The following STAB2 variants were observed in gnomAD, a reference collection of about 807,000 sequenced individuals.
STAB2 encodes the protein stabilin-2.
STAB2 carries 288 observed loss-of-function variants against 338.1 expected under a neutral mutation model. The observed-to-expected ratio is 0.85, with a 90% CI of 0.77 to 0.94. The LOEUF (loss-of-function observed/expected upper bound fraction) is 0.94, where lower values mean the gene tolerates loss of function less well. STAB2 is among the 40% of genes least tolerant of loss of function. STAB2 has a pLI of 0.00. For synonymous variants in STAB2, 1,202 were observed against 1,193.3 expected (o/e 1.01, Z -0.15); for missense variants, 3,141 against 3,210.1 (o/e 0.98, Z 0.52).
intron 52 of STAB2, 25 bp from the exon 53 acceptor site, chr12:103,737,609 T>TC: frequency 2.1e-5 from 15 of 703,520 alleles, no homozygotes; most frequent in East Asian, 7.7e-5. Flanking sequence ...TCTTTCTCTT[T>TC]TTTTTTTTTT....
rs1268667125 is a variant in STAB2 at position 103,762,377 on chromosome 12, G to T, written c.7463G>T (p.Arg2488Ile). The change falls in exon 67 of 69, where the codon AGA (arginine) becomes ATA (isoleucine). Residue 2488 changes from arginine to isoleucine, a missense_variant. By Grantham distance (97) the Arg-to-Ile change is moderately conservative. Coordinates refer to ENST00000388887, the MANE Select transcript of STAB2 (RefSeq NM_017564.10). ...AAYSYFRINR[R>I]TIGFQHFESE... is the part of the protein sequence containing the mutation. ...TACTCCTACTTTCGGATAAACCGGA[G>T]AACAATCGGCTTCCAGCATTTTGAG... 1 of 1,614,226 alleles carries T rather than the reference G, an allele frequency of 6.2e-7. No individual in the cohort carries two copies. Among genetic ancestry groups the T allele is most frequent in the East Asian group, 2.2e-5 (1 of 44,880 alleles).
chr12:103,760,597 C>T (rs12229599), intron 65 of STAB2, among the ~76,000 whole-genome samples: 14,666 of 152,020 alleles, frequency 0.096, 977 homozygotes, highest in East Asian at 0.27. Context: ...TGTCCTAAGC[C>T]CCTTCAGTGT....
At chr12:103,607,517 C>T (rs1370811656) in intron 3 of STAB2, among the ~76,000 whole-genome samples, 2 of 151,946 alleles carry the variant, frequency 1.3e-5, no homozygotes, top group African/African-American at 4.8e-5. Context: ...GGTATATCTC[C>T]TAATGCTATC....
At chr12:103,759,322 A>C (rs750055271) in intron 65 of STAB2, 49 bp downstream of exon 65, 4 of 1,602,276 alleles carry the variant, frequency 2.5e-6, no homozygotes, top group African/African-American at 2.7e-5. Flanking sequence ...AATGCATGCA[A>C]AGTTCCTGGC....
At chr12:103,747,156 C>A (rs1415328935) in intron 58 of STAB2, among the ~76,000 whole-genome samples, 1 of 151,678 alleles carries the variant, frequency 6.6e-6, no homozygotes, top group Non-Finnish European at 1.5e-5. Flanking sequence ...TACAAGTAAT[C>A]CAGCCTTCAA....
At position 103,690,031 on chromosome 12, in the gene STAB2, T is replaced by A. The variant is rs767099326; in HGVS notation, c.3182+49T>A. The A allele has an allele frequency of 3.8e-6, 6 of 1,581,816 alleles. No homozygotes were observed. The Admixed American group carries it at 1.1e-4, about 29-fold the overall frequency. On this transcript the variant is annotated intron_variant, in intron 29 of 68. Transcript: ENST00000388887. The stretch of plus-strand genomic sequence containing the variant: ...ACATCGTATCTGAATGGCATCTGTG[T>A]AAACATGTCTTTGAAGTTCAATGTA...
At chr12:103,642,544 G>A (rs966570180) in intron 9 of STAB2, among the ~76,000 whole-genome samples, 1 of 152,238 alleles carries the variant, frequency 6.6e-6, no homozygotes, top group African/African-American at 2.4e-5. Flanking sequence ...ACATGGTACA[G>A]TGGCAAGAGA....
chr12:103,676,365 T>C (rs886483805), intron 24 of STAB2, among the ~76,000 whole-genome samples: 5 of 152,118 alleles, frequency 3.3e-5, no homozygotes, highest in African/African-American at 7.2e-5. Context: ...CCCTGCCTGG[T>C]TTCTTGTTGG....
Position 103,743,029 on chromosome 12 carries a change from T to TTTC in STAB2, c.6031+477_6031+478insCTT, listed in dbSNP as rs1555252132. Reference sequence around the variant, plus strand: ...GAGCCAGCAATTTTTTTTTCTTTTTTTTTTTTTTTTGAGACAGAGTTTCGC... The same window carrying TTTC: ...GAGCCAGCAATTTTTTTTTCTTTTTTTTCTTTTTTTTTTGAGACAGAGTTTCGC... On this transcript the variant is annotated intron_variant, in intron 56 of 68. Coordinates refer to ENST00000388887, the MANE Select transcript of STAB2 (RefSeq NM_017564.10). Among the ~76,000 whole-genome samples the TTTC allele has an allele frequency of 2.0e-5, 3 of 150,490 alleles. No homozygotes were observed. In the East Asian group the frequency reaches 5.8e-4, roughly 29 times the overall value.
intron 8 of STAB2, among the ~76,000 whole-genome samples, chr12:103,639,022 G>A (rs571305841): frequency 1.3e-5 from 2 of 152,146 alleles, no homozygotes; most frequent in Non-Finnish European, 1.5e-5. Context: ...CAAAGAGAAA[G>A]GATATATTAT....
intron 61 of STAB2, 60 bp downstream of exon 61, chr12:103,753,413 C>T: frequency 6.2e-7 from 1 of 1,610,236 alleles, no homozygotes. Context: ...AAGTGCAGCC[C>T]TTTCTTAAGA....
intron 25 of STAB2, among the ~76,000 whole-genome samples, chr12:103,682,773 C>T (rs1461619119): frequency 6.6e-6 from 1 of 152,054 alleles, no homozygotes; most frequent in Non-Finnish European, 1.5e-5. Context: ...CATGGTGAAA[C>T]CCCGTCTGTA....
In STAB2 at chr12:103,675,517, G is replaced by A. The variant is rs865830644; in HGVS notation, c.2553-411G>A. 7.9e-5 allele frequency among the ~76,000 whole-genome samples: 12 copies of A among 152,382 alleles called. No individual in the cohort carries two copies. In the East Asian group the frequency reaches 1.9e-3, roughly 24 times the overall value. On this transcript the variant is annotated intron_variant, in intron 23 of 68. Transcript: ENST00000388887. Reference sequence around the variant, plus strand: ...TAATAATTAGTATTGAGCAGGAAGAGTTATAAAAAGGCAGGTTCTGGTAAA... The same window carrying A: ...TAATAATTAGTATTGAGCAGGAAGAATTATAAAAAGGCAGGTTCTGGTAAA...
Position 103,640,252 on chromosome 12 carries a change from A to T in STAB2, c.1036A>T (p.Thr346Ser). The change falls in exon 9 of 69, where the codon ACT becomes TCT. Residue 346 changes from threonine (T) to serine (S), a missense_variant. Thr to Ser is a moderately conservative substitution (Grantham distance 58, BLOSUM62 1). Coordinates refer to ENST00000388887, the MANE Select transcript of STAB2 (RefSeq NM_017564.10). ...ANCTTVAPGRTECICQKGYVG... is the reference protein window; with the variant it reads ...ANCTTVAPGRSECICQKGYVG... ...TTGCACCACCGTCGCACCAGGCCGA[A>T]CTGAGTAAGTCTTTTCAATTCCTCC... The T allele has an allele frequency of 3.7e-6, 6 of 1,612,370 alleles. No individual in the cohort carries two copies. The highest frequency in any genetic ancestry group is 4.2e-6 in the Non-Finnish European group (5 of 1,178,946).
Position 103,726,183 on chromosome 12 carries a change from G to A in STAB2, c.4851+20G>A. ...TTGCAGGTAGGAAATATACATGTCT[G>A]TCTAGCCATAAGAGTTCAGCCTAGG... On this transcript the variant is annotated intron_variant, in intron 46 of 68. Transcript: ENST00000388887. The A allele has an allele frequency of 1.2e-6, 2 of 1,613,404 alleles. No homozygotes were observed. Among genetic ancestry groups the A allele is most frequent in the Non-Finnish European group, 1.7e-6 (2 of 1,179,620 alleles).
Position 103,669,583 on chromosome 12 carries a change from C to G in STAB2, c.2215C>G (p.Gln739Glu). The G allele has an allele frequency of 1.9e-6, 3 of 1,614,194 alleles. No homozygotes were observed. Among genetic ancestry groups the G allele is most frequent in the Non-Finnish European group, 2.5e-6 (3 of 1,180,032 alleles). Residue 739 changes from glutamine (Q) to glutamate (E), a missense_variant, in exon 21 of 69, where the codon CAG (glutamine) becomes GAG (glutamate). Coordinates refer to ENST00000388887, the MANE Select transcript of STAB2 (RefSeq NM_017564.10). ...CKGFYGPDCNQCPGGFSNPCS... is the reference protein window; with the variant it reads ...CKGFYGPDCNECPGGFSNPCS... ...AGGCTTCTATGGACCTGACTGCAAC[C>G]AGTGTCCAGGAGGCTTCTCAAATCC...
At chr12:103,737,591 TC>T in intron 52 of STAB2, 42 bp from the exon 53 acceptor site, 2 of 1,403,654 alleles carry the variant, frequency 1.4e-6, no homozygotes, top group Non-Finnish European at 1.9e-6. Context: ...TCTCTCTCTC[TC>T]TCTCTCTCTT....
chr12:103,623,182 G>A (rs1795068737), intron 5 of STAB2, among the ~76,000 whole-genome samples: 1 of 152,182 alleles, frequency 6.6e-6, no homozygotes. Context: ...GTGAACCACT[G>A]GAGCCTGATG....
At chr12:103,624,940 C>CAAAAAAAAAAAAAA (rs55862855) in intron 5 of STAB2, among the ~76,000 whole-genome samples, 1 of 111,144 alleles carries the variant, frequency 9.0e-6, no homozygotes, top group Non-Finnish European at 1.8e-5. Flanking sequence ...GACTCCATCT[C>CAAAAAAAAAAAAAA]AAAAAAAAAA....
Sources: gnomAD v4.1 joint callset for allele counts (sites outside exome capture counted in the v4.1 genomes callset) on GRCh38, gnomAD v4.1.1 for gene constraint, MANE v1.5 for transcripts, NCBI Gene and HGNC (gene_info 2026-07-23, HGNC 2026-07-21) for gene names.